The following NRG3 variants were observed in gnomAD, a reference collection of about 807,000 sequenced individuals.
NRG3 encodes the protein pro-neuregulin-3, membrane-bound isoform.
Under a neutral mutation model 66.9 loss-of-function variants are expected in NRG3, and 31 were observed. The ratio of observed to expected loss-of-function variants is 0.46; its 90% CI spans 0.35 to 0.63. The LOEUF (loss-of-function observed/expected upper bound fraction) is 0.63, where lower values mean the gene tolerates loss of function less well. NRG3 is among the 20% of genes least tolerant of loss of function. The pLI, the probability that NRG3 is intolerant of heterozygous loss-of-function variation, is 0.00. For synonymous variants in NRG3, 393 were observed against 359.4 expected (o/e 1.09, Z -1.06); for missense variants, 910 against 878.9 (o/e 1.04, Z -0.45).
chr10:82,106,398 A>G (rs2132178264), intron 1 of NRG3, among the ~76,000 whole-genome samples: 1 of 152,340 alleles, frequency 6.6e-6, no homozygotes, highest in South Asian at 2.1e-4. Flanking sequence ...TCTTAAATAC[A>G]AATCAGGCTT....
chr10:82,216,273 G>T (rs1041664066), intron 1 of NRG3, among the ~76,000 whole-genome samples: 2 of 151,544 alleles, frequency 1.3e-5, no homozygotes, highest in Admixed American at 1.3e-4. Flanking sequence ...GAACCACTGC[G>T]CCTGGCCTTT....
At chr10:82,922,628 C>T (rs1591970027) in intron 4 of NRG3, among the ~76,000 whole-genome samples, 1 of 152,150 alleles carries the variant, frequency 6.6e-6, no homozygotes, top group African/African-American at 2.4e-5. Flanking sequence ...AATGTGTTGT[C>T]TGGAGGATGC....
At chr10:82,838,716 A>G (rs1396957544) in intron 3 of NRG3, among the ~76,000 whole-genome samples, 1 of 152,086 alleles carries the variant, frequency 6.6e-6, no homozygotes, top group African/African-American at 2.4e-5. Context: ...GTTCTGTTTT[A>G]ATTATATACA....
At chr10:82,243,663 T>C (rs1029288788) in intron 1 of NRG3, among the ~76,000 whole-genome samples, 6 of 152,188 alleles carry the variant, frequency 3.9e-5, no homozygotes, top group Admixed American at 3.9e-4. Flanking sequence ...TGAATTGTCA[T>C]GATTATATAA....
chr10:82,125,187 C>T (rs1175421485), intron 1 of NRG3, among the ~76,000 whole-genome samples: 2 of 151,822 alleles, frequency 1.3e-5, no homozygotes, highest in East Asian at 1.9e-4. Context: ...AGGCATCCCC[C>T]GGTCATGAAT....
chr10:82,555,836 A>G (rs1376071209), intron 2 of NRG3, among the ~76,000 whole-genome samples: 1 of 152,240 alleles, frequency 6.6e-6, no homozygotes, highest in Non-Finnish European at 1.5e-5. Flanking sequence ...TGAAAAAGAA[A>G]GAAAAATCTT....
rs539486948 is a variant in NRG3 at position 82,619,849 on chromosome 10, A to G, written c.954-118728A>G. Among the ~76,000 whole-genome samples, 10 of 152,300 alleles carry G rather than the reference A, an allele frequency of 6.6e-5. No individual in the cohort carries two copies. The South Asian group carries it at 1.7e-3, about 25-fold the overall frequency. ...AGGAGAAAGGCCTTAGCAGAAACCA[A>G]TACTGCTGACCTTAGACTTCTAGCC... is the stretch of plus-strand genomic sequence containing the variant. On this transcript the variant is annotated intron_variant, in intron 2 of 8. Coordinates refer to ENST00000372141, the MANE Select transcript of NRG3 (RefSeq NM_001010848.4).
At chr10:82,917,976 ATATATATATATATATATG>A (rs1846030658) in intron 4 of NRG3, among the ~76,000 whole-genome samples, 1 of 116,454 alleles carries the variant, frequency 8.6e-6, no homozygotes, top group African/African-American at 2.9e-5. Context: ...GTGTGTATAT[ATATATATATATATATATG>A]TATGTATGTA....
At chr10:82,410,449 A>C (rs2087976670) in intron 2 of NRG3, among the ~76,000 whole-genome samples, 1 of 113,770 alleles carries the variant, frequency 8.8e-6, no homozygotes, top group Non-Finnish European at 1.6e-5. Flanking sequence ...GTCCATATAT[A>C]CATATATATA....
chr10:82,972,994 T>A (rs1264217424), intron 6 of NRG3, among the ~76,000 whole-genome samples: 1 of 152,202 alleles, frequency 6.6e-6, no homozygotes, highest in Non-Finnish European at 1.5e-5. Flanking sequence ...TTGATTAGCA[T>A]CCTTAAACTT....
At chr10:82,785,604 TC>T (rs2060326079) in intron 3 of NRG3, among the ~76,000 whole-genome samples, 1 of 152,166 alleles carries the variant, frequency 6.6e-6, no homozygotes, top group Non-Finnish European at 1.5e-5. Flanking sequence ...TATGTCTGTG[TC>T]CTTGGACTTT....
At chr10:82,474,168 G>C (rs556794634) in intron 2 of NRG3, among the ~76,000 whole-genome samples, 85 of 151,846 alleles carry the variant, frequency 5.6e-4, no homozygotes, top group African/African-American at 1.8e-3. Context: ...TCTGTTTTTT[G>C]CAAGTACTCT....
At chr10:82,842,813 T>A (rs2063125714) in intron 3 of NRG3, among the ~76,000 whole-genome samples, 1 of 151,460 alleles carries the variant, frequency 6.6e-6, no homozygotes, top group Non-Finnish European at 1.5e-5. Flanking sequence ...CTCAAACTTC[T>A]GGCCTCAAGT....
chr10:82,326,946 A>G (rs1402442554), intron 1 of NRG3, among the ~76,000 whole-genome samples: 1 of 152,236 alleles, frequency 6.6e-6, no homozygotes, highest in East Asian at 1.9e-4. Context: ...TGATCCAGAA[A>G]GACAGCTTAG....
At chr10:82,783,654 C>T (rs1160101580) in intron 3 of NRG3, among the ~76,000 whole-genome samples, 53 of 152,040 alleles carry the variant, frequency 3.5e-4, no homozygotes, top group South Asian at 1.9e-3. Flanking sequence ...TTACAAGGGA[C>T]GTGAAGGACC....
chr10:82,946,211 TA>T (rs201328836), intron 4 of NRG3, among the ~76,000 whole-genome samples: 1,561 of 128,966 alleles, frequency 0.012, 20 homozygotes, highest in Admixed American at 0.037. Flanking sequence ...ATTTGAGATT[TA>T]AAAAAAAAAA....
At chr10:82,801,809 T>G (rs1034330040) in intron 3 of NRG3, among the ~76,000 whole-genome samples, 20 of 152,198 alleles carry the variant, frequency 1.3e-4, no homozygotes, top group African/African-American at 4.8e-4. Context: ...TTTCTCCTTG[T>G]AATGTCTGTG....
At chr10:82,614,429 C>A (rs1174560396) in intron 2 of NRG3, among the ~76,000 whole-genome samples, 1 of 152,138 alleles carries the variant, frequency 6.6e-6, no homozygotes, top group East Asian at 1.9e-4. Flanking sequence ...TTAATTTTTA[C>A]AAATTGGAAA....
chr10:81,945,398 G>T (rs1422043997), intron 1 of NRG3, among the ~76,000 whole-genome samples: 1 of 152,004 alleles, frequency 6.6e-6, no homozygotes, highest in East Asian at 1.9e-4. Flanking sequence ...TTCACTGAAT[G>T]AATGAAAACA....
Sources: allele counts gnomAD v4.1 joint callset (sites outside exome capture counted in the v4.1 genomes callset), GRCh38; gene constraint gnomAD v4.1.1; transcripts MANE v1.5; gene names NCBI Gene and HGNC (gene_info 2026-07-23, HGNC 2026-07-21).